SPIRE1: variants seen among roughly 807,000 people sequenced by gnomAD.
SPIRE1 encodes protein spire homolog 1.
Under a neutral mutation model 94.1 loss-of-function variants are expected in SPIRE1, and 40 were observed. The observed-to-expected ratio is 0.43, with a 90% CI of 0.33 to 0.55. The LOEUF (loss-of-function observed/expected upper bound fraction) is 0.55. SPIRE1 is among the 20% of genes least tolerant of loss of function. The pLI, the probability that SPIRE1 is intolerant of heterozygous loss-of-function variation, is 0.06. For missense variants in SPIRE1, 838 were observed against 975.2 expected (o/e 0.86, Z 1.87); for synonymous variants, 376 against 371.7 (o/e 1.01, Z -0.13).
At chr18:12,452,674 G>A in intron 14 of SPIRE1, 162 bp from the exon 15 acceptor site, 1 of 730,952 alleles carries the variant, frequency 1.4e-6, no homozygotes, top group Non-Finnish European at 2.3e-6. Context: ...TTGCCAAAAA[G>A]ATAATCTACA....
intron 2 of SPIRE1, among the ~76,000 whole-genome samples, chr18:12,590,215 GT>G (rs2036493918): frequency 6.6e-6 from 1 of 151,858 alleles, no homozygotes; most frequent in Non-Finnish European, 1.5e-5. Flanking sequence ...AGCCTCCTAA[GT>G]ATCTGAGATT....
chr18:12,495,243 G>A (rs1431033876), intron 7 of SPIRE1, among the ~76,000 whole-genome samples: 1 of 152,128 alleles, frequency 6.6e-6, no homozygotes, highest in Non-Finnish European at 1.5e-5. Context: ...AAAGAAATAA[G>A]GAACAGAAGA....
chr18:12,628,216 C>T (rs968527513), intron 2 of SPIRE1, among the ~76,000 whole-genome samples: 6 of 151,966 alleles, frequency 3.9e-5, no homozygotes, highest in Admixed American at 1.3e-4. Context: ...TAATCCATCT[C>T]GAATTAATTT....
At chr18:12,516,815 T>G (rs2034209801) in intron 4 of SPIRE1, among the ~76,000 whole-genome samples, 1 of 152,308 alleles carries the variant, frequency 6.6e-6, no homozygotes, top group South Asian at 2.1e-4. Flanking sequence ...TTTACTATTC[T>G]CCGACACATC....
intron 2 of SPIRE1, among the ~76,000 whole-genome samples, chr18:12,569,446 A>T (rs1005009992): frequency 1.3e-5 from 2 of 152,172 alleles, no homozygotes; most frequent in Non-Finnish European, 2.9e-5. Context: ...GGAATGTCTA[A>T]TATTTTGCCA....
chr18:12,543,059 C>G (rs2144255865), intron 3 of SPIRE1, among the ~76,000 whole-genome samples: 1 of 152,240 alleles, frequency 6.6e-6, no homozygotes, highest in East Asian at 1.9e-4. Context: ...AACTCCTGAC[C>G]TCAAATGATC....
chr18:12,467,671 G>A (rs1422783395), intron 10 of SPIRE1, among the ~76,000 whole-genome samples: 1 of 152,144 alleles, frequency 6.6e-6, no homozygotes, highest in Non-Finnish European at 1.5e-5. Flanking sequence ...TTTAAAGTCG[G>A]CTGGGCACAG....
chr18:12,591,794 C>A (rs1393167495), intron 2 of SPIRE1, among the ~76,000 whole-genome samples: 2 of 151,632 alleles, frequency 1.3e-5, no homozygotes, highest in African/African-American at 2.4e-5. Context: ...ACAGTGAAAC[C>A]CCGTCTCTAC....
chr18:12,473,959 G>C (rs1468589294), intron 10 of SPIRE1, among the ~76,000 whole-genome samples: 2 of 152,180 alleles, frequency 1.3e-5, no homozygotes, highest in Admixed American at 6.5e-5. Context: ...TATGGAAAAG[G>C]AGATTAAATA....
intron 4 of SPIRE1, among the ~76,000 whole-genome samples, chr18:12,524,031 A>C (rs1333045217): frequency 6.6e-6 from 1 of 152,216 alleles, no homozygotes; most frequent in East Asian, 1.9e-4. Context: ...ATTAGGAAAC[A>C]AAAAAATTTG....
chr18:12,536,099 C>T (rs2034833351), intron 3 of SPIRE1, among the ~76,000 whole-genome samples: 1 of 152,074 alleles, frequency 6.6e-6, no homozygotes, highest in South Asian at 2.1e-4. Flanking sequence ...AAAAGTGGTC[C>T]ACTAACTAAC....
At chr18:12,521,784 ATC>A (rs2034368371) in intron 4 of SPIRE1, among the ~76,000 whole-genome samples, 2 of 151,662 alleles carry the variant, frequency 1.3e-5, no homozygotes, top group Non-Finnish European at 2.9e-5. Flanking sequence ...TTTTTATTAA[ATC>A]TGTTATGGAG....
chr18:12,461,530 T>A (rs2031840583), intron 12 of SPIRE1, among the ~76,000 whole-genome samples: 1 of 149,704 alleles, frequency 6.7e-6, no homozygotes, highest in Admixed American at 6.6e-5. Flanking sequence ...ATGTGTGGTA[T>A]GTACGTACAT....
At chr18:12,451,519 T>A (rs754843930) in intron 16 of SPIRE1, among the ~76,000 whole-genome samples, 10 of 152,218 alleles carry the variant, frequency 6.6e-5, no homozygotes, top group Non-Finnish European at 1.3e-4. Context: ...TGCACTGCCT[T>A]GAGCTCACTG....
intron 3 of SPIRE1, among the ~76,000 whole-genome samples, chr18:12,542,703 C>T (rs1490653624): frequency 2.0e-5 from 3 of 152,182 alleles, no homozygotes; most frequent in African/African-American, 7.2e-5. Context: ...AACCTCTTCC[C>T]AATGCCAAGG....
intron 3 of SPIRE1, among the ~76,000 whole-genome samples, chr18:12,536,698 C>G (rs539038793): frequency 2.3e-4 from 35 of 152,194 alleles, no homozygotes; most frequent in African/African-American, 7.9e-4. Context: ...AAAGGTGCAA[C>G]TTAGTATCAT....
At chr18:12,494,756 G>A (rs1386897877) in intron 7 of SPIRE1, among the ~76,000 whole-genome samples, 1 of 145,966 alleles carries the variant, frequency 6.9e-6, no homozygotes, top group Non-Finnish European at 1.5e-5. Context: ...GGAGAATGGT[G>A]TGAACCCGGG....
At chr18:12,571,084 T>C (rs2035949202) in intron 2 of SPIRE1, among the ~76,000 whole-genome samples, 1 of 152,198 alleles carries the variant, frequency 6.6e-6, no homozygotes. Flanking sequence ...TTATTAATTT[T>C]ATTTTTTTGA....
chr18:12,531,172 T>TTACAGGCATGAG (rs1395569963), intron 4 of SPIRE1, among the ~76,000 whole-genome samples: 2 of 152,188 alleles, frequency 1.3e-5, no homozygotes, highest in Non-Finnish European at 2.9e-5. Context: ...AGTGCTGTGA[T>TTACAGGCATGAG]TACAGGCATG....
Sources: allele counts gnomAD v4.1 joint callset (sites outside exome capture counted in the v4.1 genomes callset), GRCh38; gene constraint gnomAD v4.1.1; transcripts MANE v1.5; gene names NCBI Gene and HGNC (gene_info 2026-07-23, HGNC 2026-07-21).